The following RNF217 variants were observed in gnomAD, a reference collection of about 807,000 sequenced individuals.
The protein encoded by RNF217 is E3 ubiquitin-protein ligase RNF217.
In RNF217, 31 loss-of-function variants were observed where a neutral mutation model predicts 57.8. That is an observed-to-expected ratio of 0.54 (90% CI 0.40 to 0.72). RNF217 has a LOEUF of 0.72. RNF217 is among the 30% of genes least tolerant of loss of function. RNF217 has a pLI of 0.00. For synonymous variants in RNF217, 313 were observed against 294.0 expected, an observed-to-expected ratio of 1.06 and a Z score of -0.66; for missense variants, 696 against 708.3, an observed-to-expected ratio of 0.98 and a Z score of 0.20.
At chr6:125,072,855 A>AGG (rs35377423) in intron 3 of RNF217, among the ~76,000 whole-genome samples, 1 of 21,418 alleles carries the variant, frequency 4.7e-5, no homozygotes, top group African/African-American at 1.8e-3. Flanking sequence ...ATAAAGAAAC[A>AGG]CATGGATTCA....
chr6:124,999,790 T>TAA (rs1005311247), intron 1 of RNF217, among the ~76,000 whole-genome samples: 1 of 151,614 alleles, frequency 6.6e-6, no homozygotes, highest in African/African-American at 2.4e-5. Flanking sequence ...ATTGTAACGT[T>TAA]AAAAAAAAAT....
At chr6:124,994,375 T>G (rs553285313) in intron 1 of RNF217, among the ~76,000 whole-genome samples, 1 of 152,304 alleles carries the variant, frequency 6.6e-6, no homozygotes, top group African/African-American at 2.4e-5. Flanking sequence ...CTCCCTAAAG[T>G]GAGGACTTAT....
chr6:125,059,654 A>G (rs1217021414), intron 3 of RNF217, among the ~76,000 whole-genome samples: 1 of 152,184 alleles, frequency 6.6e-6, no homozygotes, highest in Non-Finnish European at 1.5e-5. Context: ...AAATACATAC[A>G]TTTGTTACTG....
chr6:125,012,952 A>G lies in RNF217; in HGVS notation c.883-32259A>G, dbSNP rs962204198. Among the ~76,000 whole-genome samples, 3 of 152,234 alleles carry G rather than the reference A, an allele frequency of 2.0e-5. No individual in the cohort carries two copies. The South Asian group carries it at 6.2e-4, about 32-fold the overall frequency. ...ATCTTTGAACAACCCAGTCTTTTTCATGGGTAGTTTTTCAGATATAGAATA... is the reference window on the plus strand; with the variant it reads ...ATCTTTGAACAACCCAGTCTTTTTCGTGGGTAGTTTTTCAGATATAGAATA... On this transcript the variant is annotated intron_variant, in intron 1 of 5. Coordinates refer to ENST00000521654, the MANE Select transcript of RNF217 (RefSeq NM_001286398.3).
At chr6:125,006,852 G>A (rs552389312) in intron 1 of RNF217, among the ~76,000 whole-genome samples, 1 of 152,238 alleles carries the variant, frequency 6.6e-6, no homozygotes. Context: ...GGGAGGCTGA[G>A]GCAGGAGAAT....
At chr6:125,040,440 C>T (rs890795247) in intron 1 of RNF217, among the ~76,000 whole-genome samples, 4 of 152,256 alleles carry the variant, frequency 2.6e-5, no homozygotes, top group South Asian at 2.1e-4. Flanking sequence ...GAAATTGAGG[C>T]AGTAATTAAT....
At chr6:125,080,398 A>G (rs1788529353) in intron 4 of RNF217, among the ~76,000 whole-genome samples, 1 of 152,132 alleles carries the variant, frequency 6.6e-6, no homozygotes, top group Admixed American at 6.6e-5. Context: ...AAAAGTTAGT[A>G]TGTTTTGACA....
chr6:125,062,891 T>G (rs9491294), intron 3 of RNF217, among the ~76,000 whole-genome samples: 9,561 of 152,236 alleles, frequency 0.063, 953 homozygotes, highest in African/African-American at 0.21. Flanking sequence ...ATGCAAAGTA[T>G]TTTTCAGTCA....
chr6:125,084,100 C>G lies in RNF217; in HGVS notation c.*1163C>G, dbSNP rs539204299. On this transcript the variant is annotated 3_prime_UTR_variant, in exon 6 of 6. Coordinates refer to ENST00000521654, the MANE Select transcript of RNF217 (RefSeq NM_001286398.3). Reference sequence around the variant, plus strand: ...TAACCTTGTTATCTCTTGCCTCCTCCTCTCTGTTTTTATTTGTTTTCAAGG... The same window carrying G: ...TAACCTTGTTATCTCTTGCCTCCTCGTCTCTGTTTTTATTTGTTTTCAAGG... 5.0e-4 allele frequency: 76 copies of G among 152,056 alleles called. No individual in the cohort carries two copies. The highest frequency in any genetic ancestry group is 1.7e-3 in the African/African-American group (72 of 41,532). The allele number at this position is 152,056 out of a possible 1,614,324, so 9.4% of individuals were successfully genotyped here. A position where few individuals can be genotyped will look rare whatever the true frequency, so the allele number is the denominator to read the frequency against.
intron 1 of RNF217, among the ~76,000 whole-genome samples, chr6:125,041,961 G>A (rs1008992486): frequency 1.3e-5 from 2 of 151,694 alleles, no homozygotes; most frequent in Admixed American, 6.6e-5. Context: ...AATTTCTTTT[G>A]ATTATAAAAA....
chr6:125,024,280 C>A (rs887905355), intron 1 of RNF217, among the ~76,000 whole-genome samples: 2 of 152,108 alleles, frequency 1.3e-5, no homozygotes, highest in Non-Finnish European at 2.9e-5. Context: ...GTGCCATTTT[C>A]ATGATAAGGA....
Position 125,084,705 on chromosome 6 carries a change from T to C in RNF217, c.*1768T>C, listed in dbSNP as rs1788719872. 6.6e-6 allele frequency: 1 copy of C among 152,012 alleles called. No homozygotes were observed. Among genetic ancestry groups the C allele is most frequent in the South Asian group, 2.1e-4 (1 of 4,826 alleles). The allele number at this position is 152,012 out of a possible 1,614,324, so 9.4% of individuals were successfully genotyped here. A position where few individuals can be genotyped will look rare whatever the true frequency, so the allele number is the denominator to read the frequency against. On this transcript the variant is annotated 3_prime_UTR_variant, in exon 6 of 6. Coordinates refer to ENST00000521654, the MANE Select transcript of RNF217 (RefSeq NM_001286398.3). ...TGTGCTACAGCTTCTGGATTAGTTGTCTATTTCCAGTTAGAGGAGTGTGTG... is the reference window on the plus strand; with the variant it reads ...TGTGCTACAGCTTCTGGATTAGTTGCCTATTTCCAGTTAGAGGAGTGTGTG...
intron 1 of RNF217, among the ~76,000 whole-genome samples, chr6:125,018,247 C>A (rs1283675913): frequency 6.6e-6 from 1 of 152,128 alleles, no homozygotes; most frequent in Admixed American, 6.5e-5. Flanking sequence ...TAAGCCTTCC[C>A]CCTTTCATTT....
At chr6:125,037,995 TTTAA>T (rs1411180412) in intron 1 of RNF217, among the ~76,000 whole-genome samples, 5 of 151,920 alleles carry the variant, frequency 3.3e-5, no homozygotes, top group South Asian at 2.1e-4. Flanking sequence ...CTTTGGAGAG[TTTAA>T]TTAATTAGTC....
intron 1 of RNF217, among the ~76,000 whole-genome samples, chr6:125,021,268 CTT>C (rs3080911): frequency 0.22 from 28,875 of 130,358 alleles, 3,258 homozygotes; most frequent in East Asian, 0.54. Context: ...ATGGAAAAAG[CTT>C]TTTTTTTTTT....
At chr6:124,967,800 G>A (rs1444281324) in intron 1 of RNF217, among the ~76,000 whole-genome samples, 1 of 151,486 alleles carries the variant, frequency 6.6e-6, no homozygotes, top group East Asian at 1.9e-4. Context: ...TTTTCTTTGA[G>A]AGAATCTCCC....
chr6:125,048,878 A>G (rs1787198257), intron 2 of RNF217, among the ~76,000 whole-genome samples: 1 of 152,046 alleles, frequency 6.6e-6, no homozygotes, highest in African/African-American at 2.4e-5. Context: ...GCTTTATATT[A>G]TGTTCTGAAC....
intron 5 of RNF217, 167 bp from the exon 6 acceptor site, chr6:125,082,697 G>T (rs1175104717): frequency 7.5e-7 from 1 of 1,341,712 alleles, no homozygotes; most frequent in African/African-American, 1.5e-5. Flanking sequence ...AAAAGCTAAA[G>T]GGAAATATTA....
At chr6:124,986,295 G>A (rs1300266246) in intron 1 of RNF217, among the ~76,000 whole-genome samples, 2 of 152,146 alleles carry the variant, frequency 1.3e-5, no homozygotes, top group Non-Finnish European at 2.9e-5. Flanking sequence ...TTTGGTGATT[G>A]TCAGGTTGAC....
Sources: allele counts gnomAD v4.1 joint callset (sites outside exome capture counted in the v4.1 genomes callset), GRCh38; gene constraint gnomAD v4.1.1; transcripts MANE v1.5; gene names NCBI Gene and HGNC (gene_info 2026-07-23, HGNC 2026-07-21).